The following BIVM variants were observed in gnomAD, a reference collection of about 807,000 sequenced individuals.
The protein encoded by BIVM is basic immunoglobulin-like variable motif-containing protein.
In BIVM, 31 loss-of-function variants were observed where a neutral mutation model predicts 61.4. The ratio of observed to expected loss-of-function variants is 0.51; its 90% CI spans 0.38 to 0.68. BIVM has a LOEUF of 0.68. Ranked by LOEUF, BIVM falls within the 30% of genes least tolerant of loss-of-function variation. The probability of loss-of-function intolerance (pLI) is 0.00; values close to 1 mark genes in which losing one functional copy is unlikely to be tolerated. For missense variants in BIVM, 526 were observed against 596.0 expected (o/e 0.88, Z 1.22); for synonymous variants, 189 against 210.7 (o/e 0.90, Z 0.89).
intron 1 of BIVM, among the ~76,000 whole-genome samples, chr13:102,802,389 C>T (rs772621882): frequency 2.2e-4 from 33 of 152,270 alleles, no homozygotes; most frequent in Admixed American, 3.3e-4. Flanking sequence ...AGAGAATAGA[C>T]GTGAGACAGT....
intron 3 of BIVM, among the ~76,000 whole-genome samples, chr13:102,808,034 G>T (rs780898107): frequency 6.6e-6 from 1 of 152,172 alleles, no homozygotes; most frequent in Non-Finnish European, 1.5e-5. Context: ...CTTAGAAAAT[G>T]AAATGTTAAT....
chr13:102,832,133 G>GA (rs1448428575), intron 8 of BIVM, among the ~76,000 whole-genome samples: 1 of 152,144 alleles, frequency 6.6e-6, no homozygotes, highest in East Asian at 1.9e-4. Flanking sequence ...TTGTGCTGTT[G>GA]AAAATATCCA....
intron 2 of BIVM, among the ~76,000 whole-genome samples, chr13:102,805,802 C>T (rs977528230): frequency 2.2e-4 from 34 of 152,116 alleles, no homozygotes; most frequent in African/African-American, 5.6e-4. Context: ...ATAATGTTTT[C>T]GGGGTTCATC....
chr13:102,816,705 C>CA, intron 4 of BIVM, 151 bp downstream of exon 4: 1 of 772,744 alleles, frequency 1.3e-6, no homozygotes, highest in Non-Finnish European at 1.7e-6. Flanking sequence ...TTAAAGTCAC[C>CA]ACAAATGTTT....
chr13:102,830,115 A>T (rs1566454318), intron 7 of BIVM, among the ~76,000 whole-genome samples: 1 of 152,010 alleles, frequency 6.6e-6, no homozygotes, highest in Non-Finnish European at 1.5e-5. Context: ...CTTGAATGCT[A>T]CTTCTTCTTG....
intron 3 of BIVM, among the ~76,000 whole-genome samples, chr13:102,810,938 C>T (rs1387056956): frequency 1.3e-5 from 2 of 152,066 alleles, no homozygotes; most frequent in African/African-American, 4.8e-5. Flanking sequence ...ACTATGTTGC[C>T]AGGGGTGGTC....
intron 7 of BIVM, among the ~76,000 whole-genome samples, chr13:102,830,875 C>T (rs1200014363): frequency 1.3e-5 from 2 of 152,184 alleles, no homozygotes; most frequent in African/African-American, 4.8e-5. Flanking sequence ...CCAAGGTCCT[C>T]CCCTCTGCAA....
chr13:102,821,791 A>T lies in BIVM; in HGVS notation c.750A>T (p.Gln250His). The T allele has an allele frequency of 6.2e-7, 1 of 1,614,080 alleles. No homozygotes were observed. Among genetic ancestry groups the T allele is most frequent in the Non-Finnish European group, 8.5e-7 (1 of 1,179,994 alleles). ...AAGCTTTACATATTCTGGGCTTTCA[A>T]CCTCCATTTGAAGATATTAGGTTTG... ...QEEALHILGF[Q>H]PPFEDIRFGP... Residue 250 changes from glutamine to histidine, a missense_variant, in exon 6 of 11, where the codon CAA becomes CAT. Gln to His is a conservative substitution (Grantham distance 24). Around this residue, in one of 3 missense-constraint regions of BIVM, gnomAD observed 312 missense variants for 343.8 expected, o/e 0.91. Coordinates refer to ENST00000257336, the MANE Select transcript of BIVM (RefSeq NM_017693.4).
chr13:102,807,644 G>C lies in BIVM; in HGVS notation c.377G>C (p.Ser126Thr). The C allele has an allele frequency of 6.2e-7, 1 of 1,614,068 alleles. No homozygotes were observed. Among genetic ancestry groups the C allele is most frequent in the Non-Finnish European group, 8.5e-7 (1 of 1,180,034 alleles). ...GAAATTATCTACAATGAAGAAAATAGCTTGGAAAACTTATCCAACAGCCTG... is the reference window on the plus strand; with the variant it reads ...GAAATTATCTACAATGAAGAAAATACCTTGGAAAACTTATCCAACAGCCTG... Reference protein sequence around the residue: ...TSEIIYNEENSLENLSNSLGK... With the variant: ...TSEIIYNEENTLENLSNSLGK... The change falls in exon 3 of 11, where the codon AGC becomes ACC. Residue 126 changes from serine (S) to threonine (T), a missense_variant. Ser to Thr is a moderately conservative substitution (Grantham distance 58, BLOSUM62 1). Around this residue, in one of 3 missense-constraint regions of BIVM, gnomAD observed 312 missense variants for 343.8 expected, o/e 0.91. Coordinates refer to ENST00000257336, the MANE Select transcript of BIVM (RefSeq NM_017693.4). This position sits in a 1 kb window ranked among gnomAD's most constrained non-coding sequence, Gnocchi z 4.0.
chr13:102,816,029 G>A (rs926138117), intron 3 of BIVM, among the ~76,000 whole-genome samples: 3 of 152,144 alleles, frequency 2.0e-5, no homozygotes, highest in Admixed American at 6.5e-5. Flanking sequence ...TCATTTTCTG[G>A]AAAGTGGTCT....
Position 102,807,927 on chromosome 13 carries a change from C to T in BIVM, c.478+182C>T, listed in dbSNP as rs761020222. Among the ~76,000 whole-genome samples the T allele has an allele frequency of 7.3e-5, 11 of 151,510 alleles. No homozygotes were observed. In the East Asian group the frequency reaches 1.2e-3, roughly 16 times the overall value. On this transcript the variant is annotated intron_variant, in intron 3 of 10. Coordinates refer to ENST00000257336, the MANE Select transcript of BIVM (RefSeq NM_017693.4). This position sits in a 1 kb window ranked among gnomAD's most constrained non-coding sequence, Gnocchi z 4.0. ...TTGACGTAGGGCATGTAGTTCATTG[C>T]GGGGCTTCCACTGGAAACTTCAAGC... is the stretch of plus-strand genomic sequence containing the variant.
intron 7 of BIVM, among the ~76,000 whole-genome samples, chr13:102,822,530 C>T (rs1335921614): frequency 6.6e-6 from 1 of 152,130 alleles, no homozygotes; most frequent in African/African-American, 2.4e-5. Flanking sequence ...TAGCAGTTTT[C>T]TTCCTAAGAA....
chr13:102,832,032 T>G (rs1442017626), intron 8 of BIVM, among the ~76,000 whole-genome samples: 2 of 152,168 alleles, frequency 1.3e-5, no homozygotes, highest in East Asian at 3.8e-4. Context: ...TCTGTGATAT[T>G]GGGAGGCTTG....
chr13:102,831,530 G>A (rs1424465574), intron 7 of BIVM, 35 bp from the exon 8 acceptor site: 1 of 1,613,216 alleles, frequency 6.2e-7, no homozygotes, highest in Non-Finnish European at 8.5e-7. Flanking sequence ...CTGCTTTATG[G>A]GCTTTCAGTT....
intron 3 of BIVM, among the ~76,000 whole-genome samples, chr13:102,810,157 A>T (rs1336923109): frequency 1.3e-5 from 2 of 152,094 alleles, no homozygotes; most frequent in Non-Finnish European, 1.5e-5. Context: ...GGAAACCACA[A>T]TTTTACTTTT....
At chr13:102,802,574 GC>G (rs1878810062) in intron 1 of BIVM, among the ~76,000 whole-genome samples, 1 of 152,158 alleles carries the variant, frequency 6.6e-6, no homozygotes, top group South Asian at 2.1e-4. Flanking sequence ...AATGTTTCAT[GC>G]CCTTGGATTT....
chr13:102,812,630 G>A (rs1386213011), intron 3 of BIVM, among the ~76,000 whole-genome samples: 1 of 152,076 alleles, frequency 6.6e-6, no homozygotes, highest in Non-Finnish European at 1.5e-5. Context: ...CTCTGAGTGT[G>A]TACAGTGATT....
At chr13:102,837,814 A>G (rs946400345) in intron 9 of BIVM, among the ~76,000 whole-genome samples, 2 of 152,242 alleles carry the variant, frequency 1.3e-5, no homozygotes, top group Non-Finnish European at 2.9e-5. Flanking sequence ...AAAGCCAAAT[A>G]TCATATGTTT....
At chr13:102,806,541 G>A (rs934014158) in intron 2 of BIVM, among the ~76,000 whole-genome samples, 3 of 152,136 alleles carry the variant, frequency 2.0e-5, no homozygotes, top group African/African-American at 4.8e-5. Context: ...GAGTGACTGC[G>A]CCTGGCCTTA....
Sources: gnomAD v4.1 joint callset for allele counts (sites outside exome capture counted in the v4.1 genomes callset) on GRCh38, gnomAD v4.1.1 for gene constraint, gnomAD v4.1.1 regional missense constraint, Gnocchi (gnomAD v3.1) non-coding constraint, MANE v1.5 for transcripts, NCBI Gene and HGNC (gene_info 2026-07-23, HGNC 2026-07-21) for gene names.